The following TANC1 variants were observed in gnomAD, a reference collection of about 807,000 sequenced individuals.
TANC1 encodes tetratricopeptide repeat, ankyrin repeat and coiled-coil containing 1, also known as protein TANC1.
In TANC1, 77 loss-of-function variants were observed where a neutral mutation model predicts 149.7. The observed-to-expected ratio is 0.51, with a 90% CI of 0.43 to 0.62. The LOEUF (loss-of-function observed/expected upper bound fraction) is 0.62, where lower values mean the gene tolerates loss of function less well. Ranked by LOEUF, TANC1 falls within the 20% of genes least tolerant of loss-of-function variation. The pLI, the probability that TANC1 is intolerant of heterozygous loss-of-function variation, is 0.00. For missense variants in TANC1, 1,985 were observed against 2,321.8 expected, an observed-to-expected ratio of 0.85 and a Z score of 2.98; for synonymous variants, 854 against 925.0, an observed-to-expected ratio of 0.92 and a Z score of 1.39.
intron 1 of TANC1, among the ~76,000 whole-genome samples, chr2:158,971,469 G>A (rs969614206): frequency 6.6e-6 from 1 of 152,138 alleles, no homozygotes; most frequent in African/African-American, 2.4e-5. Context: ...ATAAAGAAGA[G>A]TGTTTATATA....
At chr2:159,228,185 T>C in intron 25 of TANC1, 1 of 539,668 alleles carries the variant, frequency 1.9e-6, no homozygotes, top group Non-Finnish European at 3.2e-6. Flanking sequence ...GCACTTGGGT[T>C]TCGTTTCCTT....
chr2:158,988,325 C>CA (rs1285907133), intron 1 of TANC1, among the ~76,000 whole-genome samples: 136 of 87,392 alleles, frequency 1.6e-3, no homozygotes, highest in African/African-American at 1.5e-3. Context: ...GACCCTGTCC[C>CA]AAAAAAAAAA....
At chr2:159,051,130 C>T (rs1290948259) in intron 2 of TANC1, among the ~76,000 whole-genome samples, 1 of 152,182 alleles carries the variant, frequency 6.6e-6, no homozygotes, top group Non-Finnish European at 1.5e-5. Flanking sequence ...CAAAGCCATT[C>T]AAGAAACATG....
intron 4 of TANC1, among the ~76,000 whole-genome samples, chr2:159,098,737 A>C (rs578082622): frequency 7.2e-5 from 11 of 151,904 alleles, no homozygotes; most frequent in South Asian, 6.3e-4. Context: ...AACATTACCC[A>C]AAAAAAACAA....
intron 2 of TANC1, chr2:159,004,138 T>A (rs989616587): frequency 2.3e-5 from 37 of 1,612,192 alleles, no homozygotes; most frequent in Non-Finnish European, 2.7e-5. Context: ...ACAGAAATGC[T>A]TCCTGGAATA....
At chr2:159,212,919 CAAAAAAAAAA>C (rs35369711) in intron 19 of TANC1, among the ~76,000 whole-genome samples, 6 of 114,974 alleles carry the variant, frequency 5.2e-5, no homozygotes, top group Admixed American at 1.6e-4. Context: ...GACACCGTCT[CAAAAAAAAAA>C]AAAAAAAAAA....
chr2:159,166,725 G>A (rs1245333947), intron 8 of TANC1, among the ~76,000 whole-genome samples: 2 of 152,168 alleles, frequency 1.3e-5, no homozygotes, highest in Non-Finnish European at 1.5e-5. Context: ...CAGAGGGTGG[G>A]GAGCACCTGG....
intron 8 of TANC1, 118 bp downstream of exon 8, chr2:159,163,664 G>T (rs1285536589): frequency 8.9e-7 from 1 of 1,117,820 alleles, no homozygotes; most frequent in African/African-American, 1.6e-5. Context: ...CGTGGGTCAG[G>T]CACTTACCTT....
rs1215833206 is a variant in TANC1 at position 159,232,180 on chromosome 2, A to C, written c.*1168A>C. On this transcript the variant is annotated 3_prime_UTR_variant, in exon 27 of 27. Coordinates refer to ENST00000263635, the MANE Select transcript of TANC1 (RefSeq NM_033394.3). ...CACCTTTGAGGTGCTACTTAAGTCC[A>C]AGCTCTGATGTATTATTCATTTGTA... The C allele has an allele frequency of 6.6e-6, 1 of 152,652 alleles. No homozygotes were observed. Among genetic ancestry groups the C allele is most frequent in the Non-Finnish European group, 1.5e-5 (1 of 68,038 alleles). 9.5% of individuals were successfully genotyped at this position (152,652 alleles called of 1,614,324 possible).
intron 17 of TANC1, among the ~76,000 whole-genome samples, chr2:159,196,211 C>T (rs1363251406): frequency 2.0e-5 from 3 of 152,182 alleles, no homozygotes; most frequent in African/African-American, 7.2e-5. Context: ...GGCTCTACTC[C>T]TTCAAATTAT....
intron 2 of TANC1, among the ~76,000 whole-genome samples, chr2:159,061,485 T>G (rs1017751320): frequency 3.3e-5 from 5 of 152,234 alleles, no homozygotes; most frequent in African/African-American, 1.2e-4. Context: ...AAGCAGGCCT[T>G]GCTAAGGGCC....
chr2:159,039,195 T>A (rs1437731724), intron 2 of TANC1, among the ~76,000 whole-genome samples: 4 of 152,222 alleles, frequency 2.6e-5, no homozygotes, highest in Non-Finnish European at 4.4e-5. Context: ...TCATTGGTGA[T>A]ATCCCCTTTA....
chr2:159,197,406 G>A (rs1559441474), intron 18 of TANC1, among the ~76,000 whole-genome samples: 2 of 152,084 alleles, frequency 1.3e-5, no homozygotes, highest in Non-Finnish European at 2.9e-5. Flanking sequence ...TGTTTTGCTC[G>A]CTTCCTCCTG....
intron 3 of TANC1, among the ~76,000 whole-genome samples, chr2:159,090,657 A>T (rs1218800095): frequency 6.6e-6 from 1 of 152,136 alleles, no homozygotes; most frequent in African/African-American, 2.4e-5. Context: ...TAGAATCCCA[A>T]ATTCCATGCA....
chr2:159,221,848 A>G (rs2059728834), intron 22 of TANC1, among the ~76,000 whole-genome samples: 2 of 152,236 alleles, frequency 1.3e-5, no homozygotes, highest in Non-Finnish European at 2.9e-5. Flanking sequence ...GAACCGTGAA[A>G]TGTCTTTCAG....
intron 4 of TANC1, among the ~76,000 whole-genome samples, chr2:159,127,702 G>A (rs544518945): frequency 2.6e-5 from 4 of 152,306 alleles, no homozygotes; most frequent in African/African-American, 7.2e-5. Flanking sequence ...CACATACCGG[G>A]GCCCGTCAGG....
chr2:159,100,517 T>A (rs1288228716), intron 4 of TANC1, among the ~76,000 whole-genome samples: 1 of 152,244 alleles, frequency 6.6e-6, no homozygotes, highest in Non-Finnish European at 1.5e-5. Context: ...AATAGAAGGT[T>A]AATAGTTCTG....
chr2:159,213,078 C>G (rs1485223792), intron 19 of TANC1, among the ~76,000 whole-genome samples: 1 of 152,160 alleles, frequency 6.6e-6, no homozygotes, highest in Non-Finnish European at 1.5e-5. Context: ...TCATCCTTCT[C>G]TTCTTGGTAA....
chr2:159,117,701 CTTTTTTTTTTTTT>C (rs59509568), intron 4 of TANC1, among the ~76,000 whole-genome samples: 20,970 of 113,406 alleles, frequency 0.18, 1,832 homozygotes, highest in Middle Eastern at 0.23. Context: ...CGGCCTATTC[CTTTTTTTTTTTTT>C]TTTTTTTTTT....
Sources: allele counts gnomAD v4.1 joint callset (sites outside exome capture counted in the v4.1 genomes callset), GRCh38; gene constraint gnomAD v4.1.1; transcripts MANE v1.5; gene names NCBI Gene and HGNC (gene_info 2026-07-23, HGNC 2026-07-21).